EXOSC8: variants seen among roughly 807,000 people sequenced by gnomAD.
EXOSC8 encodes the protein exosome complex component RRP43.
A neutral mutation model predicts 39.9 loss-of-function variants in EXOSC8; 37 were observed. The observed-to-expected ratio is 0.93, with a 90% confidence interval of 0.71 to 1.22. EXOSC8 has a LOEUF of 1.22. Ranked by LOEUF, EXOSC8 falls within the 50% of genes most tolerant of loss-of-function variation. The pLI is 0.00. For synonymous variants in EXOSC8, 93 were observed against 109.5 expected, an observed-to-expected ratio of 0.85 and a Z score of 0.94; for missense variants, 313 against 326.6, an observed-to-expected ratio of 0.96 and a Z score of 0.32.
Position 37,005,974 on chromosome 13 carries a change from C to CT in EXOSC8, c.294dup (p.Gly99TrpfsTer8), listed in dbSNP as rs2059136396. ...TCATCGAGATTCCGGTCTGGACCTC[C>CT]TGGAGAAGAGGCCCAAGTGGCTAGC... On this transcript the variant is annotated frameshift_variant, in exon 6 of 11. Coordinates refer to ENST00000389704, the MANE Select transcript of EXOSC8 (RefSeq NM_181503.3). LOFTEE classifies it high-confidence loss of function. 1 of 1,612,968 alleles carries CT rather than the reference C, an allele frequency of 6.2e-7. No homozygotes were observed. The highest frequency in any genetic ancestry group is 8.5e-7 in the Non-Finnish European group (1 of 1,179,104).
intron 4 of EXOSC8, 44 bp downstream of exon 4, chr13:37,003,051 G>C: frequency 8.4e-7 from 1 of 1,188,582 alleles, no homozygotes; most frequent in Non-Finnish European, 1.3e-6. Flanking sequence ...TACAAAGTTA[G>C]CTTTATTTAT....
At chr13:37,007,712 A>G (rs1406148413) in intron 8 of EXOSC8, among the ~76,000 whole-genome samples, 2 of 152,328 alleles carry the variant, frequency 1.3e-5, no homozygotes, top group Admixed American at 1.3e-4. Flanking sequence ...CTTATCTATA[A>G]TAAAATAGGG....
At chr13:37,001,524 C>T (rs924069887) in intron 1 of EXOSC8, 1 of 152,108 alleles carries the variant, frequency 6.6e-6, no homozygotes, top group Non-Finnish European at 1.5e-5. Context: ...TGTGTGAAGC[C>T]AGTGGACTTT....
chr13:37,001,224 C>G (rs139513723), intron 1 of EXOSC8, among the ~76,000 whole-genome samples: 661 of 152,232 alleles, frequency 4.3e-3, no homozygotes, highest in Non-Finnish European at 7.4e-3. Context: ...GCCTGGTGTA[C>G]ATGGTGAAAC....
In EXOSC8 at chr13:37,000,795, C is replaced by T. The variant is rs1566072584; in HGVS notation, c.-11C>T. 3.2e-6 allele frequency: 5 copies of T among 1,579,790 alleles called. No homozygotes were observed. Among genetic ancestry groups the T allele is most frequent in the Non-Finnish European group, 4.3e-6 (5 of 1,163,268 alleles). ...GAGGAGCGGCGCAGGCGCAGACGCG[C>T]GGGCGGGAAGATGGCGGCTGGGTTC... On this transcript the variant is annotated 5_prime_UTR_variant, in exon 1 of 11. Transcript: ENST00000389704.
At chr13:37,007,829 C>G (rs1275175235) in intron 8 of EXOSC8, among the ~76,000 whole-genome samples, 1 of 151,854 alleles carries the variant, frequency 6.6e-6, no homozygotes, top group Non-Finnish European at 1.5e-5. Flanking sequence ...AAATCATTGA[C>G]TTCTTAAACT....
Position 37,009,589 on chromosome 13 carries a change from A to T in EXOSC8, c.*290A>T, listed in dbSNP as rs1310602650. The T allele has an allele frequency of 6.6e-7, 1 of 1,526,656 alleles. No homozygotes were observed. The highest frequency in any genetic ancestry group is 1.4e-5 in the African/African-American group (1 of 72,946). The allele number at this position is 1,526,656 out of a possible 1,614,324, so 94.6% of individuals were successfully genotyped here. A position where few individuals can be genotyped will look rare whatever the true frequency, so the allele number is the denominator to read the frequency against. ...TAGCAATGTAAAATACTGACACATT[A>T]AAAAAAACAAAAAGTAGAAACTCAA... is the stretch of plus-strand genomic sequence containing the variant. On this transcript the variant is annotated 3_prime_UTR_variant, in exon 11 of 11. Transcript: ENST00000389704.
In EXOSC8 at chr13:37,009,550, A is replaced by T. The variant is rs1415948679; in HGVS notation, c.*251A>T. On this transcript the variant is annotated 3_prime_UTR_variant, in exon 11 of 11. Coordinates refer to ENST00000389704, the MANE Select transcript of EXOSC8 (RefSeq NM_181503.3). ...AAATGATAAGGTTGTGCTTCTGTAT[A>T]AAGTTTGTACATCTAGCAATGTAAA... 2.4e-5 allele frequency: 28 copies of T among 1,184,900 alleles called. No individual in the cohort carries two copies. Among genetic ancestry groups the T allele is most frequent in the Non-Finnish European group, 1.4e-5 (11 of 804,826 alleles). The allele number at this position is 1,184,900 out of a possible 1,614,324, so 73.4% of individuals were successfully genotyped here. A position where few individuals can be genotyped will look rare whatever the true frequency, so the allele number is the denominator to read the frequency against.
intron 10 of EXOSC8, 130 bp from the exon 11 acceptor site, chr13:37,009,054 T>C (rs2059188206): frequency 1.4e-6 from 1 of 714,538 alleles, no homozygotes; most frequent in South Asian, 1.8e-5. Flanking sequence ...TGAAACTAAC[T>C]TGTAGATCTT....
Position 37,009,246 on chromosome 13 carries a change from A to C in EXOSC8, c.778A>C (p.Lys260Gln). Residue 260 changes from lysine (K) to glutamine (Q), a missense_variant, in exon 11 of 11, where the codon AAA becomes CAA. Transcript: ENST00000389704. Reference sequence around the variant, plus strand: ...TATGAGCCGAGCAGTTACAAGACACAAAGAAGTTAAAAAACTGATGGATGA... The same window carrying C: ...TATGAGCCGAGCAGTTACAAGACACCAAGAAGTTAAAAAACTGATGGATGA... ...DCMSRAVTRH[K>Q]EVKKLMDEVI... The C allele has an allele frequency of 6.2e-7, 1 of 1,613,666 alleles. No homozygotes were observed. Among genetic ancestry groups the C allele is most frequent in the Non-Finnish European group, 8.5e-7 (1 of 1,179,706 alleles).
intron 7 of EXOSC8, among the ~76,000 whole-genome samples, chr13:37,006,560 G>A (rs946198539): frequency 2.0e-5 from 3 of 152,100 alleles, no homozygotes; most frequent in Non-Finnish European, 4.4e-5. Context: ...ACCTAGAGAG[G>A]CTTTCCTACT....
Position 37,009,337 on chromosome 13 carries a change from G to GTAT in EXOSC8, c.*40_*42dup. On this transcript the variant is annotated 3_prime_UTR_variant, in exon 11 of 11. Transcript: ENST00000389704. ...TTTTCAAAACAGATTTGTAAAAATT[G>GTAT]TATTTGTTAACACTGTGCACAAACG... 1 of 1,225,514 alleles carries GTAT rather than the reference G, an allele frequency of 8.2e-7. No individual in the cohort carries two copies. Among genetic ancestry groups the GTAT allele is most frequent in the Non-Finnish European group, 1.2e-6 (1 of 837,988 alleles). The allele number at this position is 1,225,514 out of a possible 1,614,324, so 75.9% of individuals were successfully genotyped here.
intron 9 of EXOSC8, among the ~76,000 whole-genome samples, 180 bp downstream of exon 9, chr13:37,008,357 C>T (rs2059167152): frequency 6.6e-6 from 1 of 152,208 alleles, no homozygotes; most frequent in South Asian, 2.1e-4. Flanking sequence ...ATTACCTGTT[C>T]CTTGGTTTAC....
Position 37,008,183 on chromosome 13 carries a change from T to C in EXOSC8, c.608+6T>C, listed in dbSNP as rs752608874. 6.3e-7 allele frequency: 1 copy of C among 1,588,246 alleles called. No homozygotes were observed. The highest frequency in any genetic ancestry group is 8.6e-7 in the Non-Finnish European group (1 of 1,167,294). On this transcript the variant is annotated splice_donor_region_variant and intron_variant, in intron 9 of 10. Coordinates refer to ENST00000389704, the MANE Select transcript of EXOSC8 (RefSeq NM_181503.3). ...TCCTTTGCTGTGTTTGATGAGTAAG[T>C]TAATCAAACTTACTTTAAAATTTTC...
Position 37,009,476 on chromosome 13 carries a change from T to C in EXOSC8, c.*177T>C, listed in dbSNP as rs1214819610. The C allele has an allele frequency of 1.2e-5, 10 of 801,728 alleles. No homozygotes were observed. In the East Asian group the frequency reaches 2.7e-4, roughly 21 times the overall value. The allele number at this position is 801,728 out of a possible 1,614,324, so 49.7% of individuals were successfully genotyped here. On this transcript the variant is annotated 3_prime_UTR_variant, in exon 11 of 11. Transcript: ENST00000389704. Reference sequence around the variant, plus strand: ...AAACCATTTTTAAAAAGCAATGACTTAGGCAAACCAACCCTAGTTTGTTAA... The same window carrying C: ...AAACCATTTTTAAAAAGCAATGACTCAGGCAAACCAACCCTAGTTTGTTAA...
Position 37,002,651 on chromosome 13 carries a change from TTGA to T in EXOSC8, c.118+105_118+107del, listed in dbSNP as rs544440175. The T allele has an allele frequency of 8.8e-4, 762 of 865,610 alleles. 2 individuals carry two copies. The highest frequency in any genetic ancestry group is 1.1e-3 in the Non-Finnish European group (626 of 549,210). The allele number at this position is 865,610 out of a possible 1,614,324, so 53.6% of individuals were successfully genotyped here. Reference sequence around the variant, plus strand: ...CACCCAAATTCTTTGTCTAAAGGATTTGATGATTTTTTTTGTCAAGAGATTTTT... The same window carrying T: ...CACCCAAATTCTTTGTCTAAAGGATTTGATTTTTTTTGTCAAGAGATTTTT... On this transcript the variant is annotated intron_variant, in intron 3 of 10. Coordinates refer to ENST00000389704, the MANE Select transcript of EXOSC8 (RefSeq NM_181503.3).
In EXOSC8 at chr13:37,009,304, C is replaced by T. The variant is rs1468846220; in HGVS notation, c.*5C>T. The T allele has an allele frequency of 1.4e-6, 2 of 1,475,130 alleles. No homozygotes were observed. Among genetic ancestry groups the T allele is most frequent in the Non-Finnish European group, 1.9e-6 (2 of 1,057,380 alleles). The allele number at this position is 1,475,130 out of a possible 1,614,324, so 91.4% of individuals were successfully genotyped here. On this transcript the variant is annotated 3_prime_UTR_variant, in exon 11 of 11. Transcript: ENST00000389704. ...AAGAGTATGAAACCCAAATAAACAG[C>T]CACCACATTTTCAAAACAGATTTGT...
Position 37,007,063 on chromosome 13 carries a change from T to TA in EXOSC8, c.485dup (p.Asn162LysfsTer6). 6.2e-7 allele frequency: 1 copy of TA among 1,606,476 alleles called. No homozygotes were observed. Among genetic ancestry groups the TA allele is most frequent in the Non-Finnish European group, 8.5e-7 (1 of 1,172,970 alleles). On this transcript the variant is annotated frameshift_variant, in exon 8 of 11. Transcript: ENST00000389704. LOFTEE classifies it high-confidence loss of function. ...TGCACATTTGCTTTGCTAGCGGCTTTAAAAAATGGTAAGCAGCCTTACAAA... is the reference window on the plus strand; with the variant it reads ...TGCACATTTGCTTTGCTAGCGGCTTTAAAAAAATGGTAAGCAGCCTTACAAA...
Position 37,006,002 on chromosome 13 carries a change from G to A in EXOSC8, c.321G>A (p.Gln107=), listed in dbSNP as rs1127446. ...GAGAAGAGGCCCAAGTGGCTAGCCA[G>A]TTCATTGCAGATGTCATTGAAAAGT... ...PPGEEAQVAS[Q]FIADVIENSQ... The change falls in exon 6 of 11, where the codon CAG becomes CAA. Residue 107 remains glutamine, a synonymous_variant. Coordinates refer to ENST00000389704, the MANE Select transcript of EXOSC8 (RefSeq NM_181503.3). 638,037 of 1,605,940 alleles carry A rather than the reference G, an allele frequency of 0.4. 134,199 individuals carry two copies. Among genetic ancestry groups the A allele is most frequent in the East Asian group, 0.73 (32,816 of 44,834 alleles).
Sources: allele counts gnomAD v4.1 joint callset (sites outside exome capture counted in the v4.1 genomes callset), GRCh38; gene constraint gnomAD v4.1.1; transcripts MANE v1.5; gene names NCBI Gene and HGNC (gene_info 2026-07-23, HGNC 2026-07-21).